PUM2: variants seen among roughly 807,000 people sequenced by gnomAD.
The protein encoded by PUM2 is pumilio homolog 2.
PUM2 carries 57 observed loss-of-function variants against 124.5 expected under a neutral mutation model. The ratio of observed to expected loss-of-function variants is 0.46; its 90% CI spans 0.37 to 0.57. PUM2 has a LOEUF of 0.57. Among genes scored for constraint, PUM2 ranks in the 20% least tolerant of loss-of-function variants. The pLI is 0.00. For missense variants in PUM2, 1,065 were observed against 1,290.6 expected (o/e 0.83, Z 2.68); for synonymous variants, 460 against 446.1 (o/e 1.03, Z -0.39).
Position 20,350,758 on chromosome 2 carries a change from C to T in PUM2, c.-180G>A. On this transcript the variant is annotated 5_prime_UTR_variant, in exon 1 of 21. Transcript: ENST00000361078. Reference sequence around the variant, plus strand: ...CCCACCCCACCTCCTCCTTCTCCTCCCCCTCCTCCTCCGAACCACCGAAGT... The same window carrying T: ...CCCACCCCACCTCCTCCTTCTCCTCTCCCTCCTCCTCCGAACCACCGAAGT... 1 of 973,844 alleles carries T rather than the reference C, an allele frequency of 1.0e-6. No individual in the cohort carries two copies. The highest frequency in any genetic ancestry group is 1.2e-6 in the Non-Finnish European group (1 of 821,958). The allele number at this position is 973,844 out of a possible 1,614,324, so 60.3% of individuals were successfully genotyped here.
At chr2:20,348,933 C>T (rs867756346) in intron 1 of PUM2, among the ~76,000 whole-genome samples, 3 of 151,934 alleles carry the variant, frequency 2.0e-5, no homozygotes, top group Admixed American at 6.6e-5. Context: ...CTGTCTCAAA[C>T]AAGAAAAAAA....
chr2:20,312,633 G>C (rs1558620173), intron 3 of PUM2, among the ~76,000 whole-genome samples: 1 of 152,016 alleles, frequency 6.6e-6, no homozygotes. Context: ...CATGAAAATG[G>C]CCATACTACC....
rs1461930023 is a variant in PUM2 at position 20,251,492 on chromosome 2, G to A, written c.*93C>T. 2 of 1,346,020 alleles carry A rather than the reference G, an allele frequency of 1.5e-6. No individual in the cohort carries two copies. Among genetic ancestry groups the A allele is most frequent in the Non-Finnish European group, 2.0e-6 (2 of 1,007,672 alleles). The allele number at this position is 1,346,020 out of a possible 1,614,324, so 83.4% of individuals were successfully genotyped here. ...AATAGTTTTGCTTTAAAAAAAAATTGAAGATTCATAGTTGAGTTGTGTTTT... is the reference window on the plus strand; with the variant it reads ...AATAGTTTTGCTTTAAAAAAAAATTAAAGATTCATAGTTGAGTTGTGTTTT... On this transcript the variant is annotated 3_prime_UTR_variant, in exon 21 of 21. Transcript: ENST00000361078.
At chr2:20,351,820 G>T (rs188973636), upstream of PUM2, among the ~76,000 whole-genome samples, 50 of 152,312 alleles carry the variant, frequency 3.3e-4, no homozygotes, top group African/African-American at 1.2e-3. Flanking sequence ...GCGACTGTGA[G>T]CTCCACGAGG....
chr2:20,327,446 T>G (rs1171364911), intron 1 of PUM2, 68 bp from the exon 2 acceptor site: 3 of 977,394 alleles, frequency 3.1e-6, no homozygotes, highest in Non-Finnish European at 3.1e-6. Flanking sequence ...ACTATTTTTA[T>G]ATTATATTGC....
At chr2:20,288,391 G>A (rs762133669) in intron 10 of PUM2, among the ~76,000 whole-genome samples, 1 of 152,186 alleles carries the variant, frequency 6.6e-6, no homozygotes, top group Non-Finnish European at 1.5e-5. Context: ...CTTTGTAACT[G>A]TCACTAAGTT....
intron 5 of PUM2, among the ~76,000 whole-genome samples, chr2:20,309,009 GC>G (rs926522235): frequency 1.3e-5 from 2 of 152,014 alleles, no homozygotes; most frequent in African/African-American, 2.4e-5. Flanking sequence ...GTCCTGCCCT[GC>G]CAACACATAA....
rs149635159 is a variant in PUM2 at position 20,287,233 on chromosome 2, G to C, written c.1291+3419C>G. Among the ~76,000 whole-genome samples the C allele has an allele frequency of 7.6e-3, 1,163 of 152,224 alleles. 10 individuals carry two copies. Among genetic ancestry groups the C allele is most frequent in the African/African-American group, 0.027 (1,113 of 41,512 alleles). On this transcript the variant is annotated intron_variant, in intron 10 of 20. Transcript: ENST00000361078. Reference sequence around the variant, plus strand: ...CGACCACATTAAAATAAGAGTTGTAGAATGGTGAAAATAAACCACAAATAG... The same window carrying C: ...CGACCACATTAAAATAAGAGTTGTACAATGGTGAAAATAAACCACAAATAG...
intron 1 of PUM2, among the ~76,000 whole-genome samples, chr2:20,339,741 G>C (rs1686860442): frequency 6.6e-6 from 1 of 152,110 alleles, no homozygotes; most frequent in South Asian, 2.1e-4. Context: ...TTAGCCAACT[G>C]TGGGGGCACA....
chr2:20,288,855 G>T (rs1490550060), intron 10 of PUM2, among the ~76,000 whole-genome samples: 2 of 152,176 alleles, frequency 1.3e-5, no homozygotes, highest in Non-Finnish European at 2.9e-5. Context: ...TTTAGTGTGA[G>T]GGGATCATGT....
chr2:20,273,092 G>A (rs1020472421), intron 13 of PUM2, among the ~76,000 whole-genome samples: 4 of 152,206 alleles, frequency 2.6e-5, no homozygotes, highest in African/African-American at 7.2e-5. Flanking sequence ...GTGGGATGGT[G>A]TAAATTACAG....
intron 1 of PUM2, among the ~76,000 whole-genome samples, chr2:20,340,914 C>T (rs753582069): frequency 6.6e-5 from 10 of 152,208 alleles, no homozygotes; most frequent in Non-Finnish European, 1.3e-4. Context: ...CCTCATAGGG[C>T]TGTTGCAAAG....
At chr2:20,300,249 C>T (rs1484529335) in intron 7 of PUM2, among the ~76,000 whole-genome samples, 1 of 152,026 alleles carries the variant, frequency 6.6e-6, no homozygotes, top group Non-Finnish European at 1.5e-5. Flanking sequence ...TCCCGGGTTC[C>T]AGTGATTCTC....
At chr2:20,253,220 T>C (rs910860465) in intron 20 of PUM2, among the ~76,000 whole-genome samples, 5 of 152,214 alleles carry the variant, frequency 3.3e-5, no homozygotes, top group Non-Finnish European at 7.3e-5. Context: ...CTGATTTATT[T>C]TTTGAGACAG....
intron 10 of PUM2, among the ~76,000 whole-genome samples, 162 bp downstream of exon 10, chr2:20,290,464 TTTACCATTCCTGTCGTTGAGTCTCAC>T (rs1673775819): frequency 3.7e-5 from 1 of 26,856 alleles, no homozygotes; most frequent in Admixed American, 4.1e-4. Flanking sequence ...TGAGTCTCAA[TTTACCATTCCTGTCGTTGAGTCTCAC>T]AATCAATACT....
At chr2:20,330,471 C>A (rs141332683) in intron 1 of PUM2, among the ~76,000 whole-genome samples, 3 of 152,056 alleles carry the variant, frequency 2.0e-5, no homozygotes, top group African/African-American at 7.2e-5. Flanking sequence ...TAGTTGATCA[C>A]GAAGATTTTA....
intron 1 of PUM2, among the ~76,000 whole-genome samples, chr2:20,346,168 G>A (rs1382597146): frequency 2.6e-5 from 4 of 152,164 alleles, no homozygotes; most frequent in Non-Finnish European, 4.4e-5. Flanking sequence ...AAAACCTGGA[G>A]CCACTATCCT....
chr2:20,328,206 C>T (rs1439610958), intron 1 of PUM2, among the ~76,000 whole-genome samples: 4 of 152,124 alleles, frequency 2.6e-5, no homozygotes. Context: ...TGCGGTGGCA[C>T]GCGTTTGTAG....
intron 16 of PUM2, among the ~76,000 whole-genome samples, chr2:20,256,997 T>C (rs1055153251): frequency 7.5e-6 from 1 of 133,946 alleles, no homozygotes; most frequent in African/African-American, 2.9e-5. Context: ...TGAGCCAAGA[T>C]TGTGCCACTG....
Sources: allele counts gnomAD v4.1 joint callset (sites outside exome capture counted in the v4.1 genomes callset), GRCh38; gene constraint gnomAD v4.1.1; transcripts MANE v1.5; gene names NCBI Gene and HGNC (gene_info 2026-07-23, HGNC 2026-07-21).